KCND2: variants seen among roughly 807,000 people sequenced by gnomAD.
KCND2 encodes the protein potassium voltage-gated channel subfamily D member 2.
In KCND2, 16 loss-of-function variants were observed where a neutral mutation model predicts 54.4. The ratio of observed to expected loss-of-function variants is 0.29; its 90% CI spans 0.20 to 0.45. The LOEUF (loss-of-function observed/expected upper bound fraction) is 0.45. Ranked by LOEUF, KCND2 falls within the 20% of genes least tolerant of loss-of-function variation. The probability of loss-of-function intolerance (pLI) is 1.00; values close to 1 mark genes in which losing one functional copy is unlikely to be tolerated. For missense variants in KCND2, 486 were observed against 824.2 expected (o/e 0.59, Z 5.02); for synonymous variants, 317 against 310.7 (o/e 1.02, Z -0.21).
chr7:120,336,260 C>T (rs757068698), intron 1 of KCND2, among the ~76,000 whole-genome samples: 1 of 152,178 alleles, frequency 6.6e-6, no homozygotes, highest in Non-Finnish European at 1.5e-5. Flanking sequence ...TTAATAATTA[C>T]CCCGCTTTCG....
chr7:120,601,874 T>G (rs1017155253), intron 1 of KCND2, among the ~76,000 whole-genome samples: 1 of 152,208 alleles, frequency 6.6e-6, no homozygotes, highest in Non-Finnish European at 1.5e-5. Context: ...CTAGCTAATT[T>G]ATAGGTTCAC....
chr7:120,319,986 G>C (rs542654732), intron 1 of KCND2, among the ~76,000 whole-genome samples: 25 of 152,076 alleles, frequency 1.6e-4, no homozygotes, highest in African/African-American at 6.0e-4. Flanking sequence ...CTATGAAAAT[G>C]CAAAAGTGCA....
intron 1 of KCND2, among the ~76,000 whole-genome samples, chr7:120,508,891 ATTTTTT>A (rs57245091): frequency 7.2e-6 from 1 of 138,250 alleles, no homozygotes; most frequent in African/African-American, 2.8e-5. Flanking sequence ...GCCTTTCACG[ATTTTTT>A]TTTTTTTTGG....
chr7:120,330,781 G>A (rs910082029), intron 1 of KCND2, among the ~76,000 whole-genome samples: 8 of 151,884 alleles, frequency 5.3e-5, no homozygotes, highest in African/African-American at 1.5e-4. Flanking sequence ...AAGGTGCAGA[G>A]CAATTAATAT....
intron 1 of KCND2, among the ~76,000 whole-genome samples, chr7:120,292,971 T>C (rs1207163241): frequency 1.3e-5 from 2 of 151,938 alleles, no homozygotes; most frequent in South Asian, 2.1e-4. Context: ...ACACCAACTC[T>C]GTATCTCTGA....
At chr7:120,581,965 C>T (rs948251559) in intron 1 of KCND2, among the ~76,000 whole-genome samples, 4 of 152,148 alleles carry the variant, frequency 2.6e-5, no homozygotes, top group Non-Finnish European at 5.9e-5. Context: ...CCACCCGCCT[C>T]AGCCTCCCGA....
intron 1 of KCND2, among the ~76,000 whole-genome samples, chr7:120,363,215 G>T (rs1584747748): frequency 6.6e-6 from 1 of 152,132 alleles, no homozygotes; most frequent in African/African-American, 2.4e-5. Context: ...AGGGTGACTT[G>T]AGCCTGCAAT....
intron 1 of KCND2, among the ~76,000 whole-genome samples, chr7:120,409,044 T>C (rs541081961): frequency 1.3e-5 from 2 of 152,082 alleles, no homozygotes. Flanking sequence ...ATGCTGCTCT[T>C]TCTATGTAAG....
intron 1 of KCND2, among the ~76,000 whole-genome samples, chr7:120,701,718 T>C (rs890112145): frequency 6.6e-6 from 1 of 152,122 alleles, no homozygotes; most frequent in African/African-American, 2.4e-5. Flanking sequence ...CCTTATTTAA[T>C]AAATGGTGTT....
At chr7:120,491,631 A>G (rs1346262689) in intron 1 of KCND2, among the ~76,000 whole-genome samples, 1 of 152,142 alleles carries the variant, frequency 6.6e-6, no homozygotes, top group Non-Finnish European at 1.5e-5. Flanking sequence ...CACAGGGATA[A>G]TGTTAAATCT....
At chr7:120,472,330 A>G (rs554864350) in intron 1 of KCND2, among the ~76,000 whole-genome samples, 2 of 152,162 alleles carry the variant, frequency 1.3e-5, no homozygotes, top group South Asian at 4.1e-4. Context: ...TGCTGGAATA[A>G]TGTGAACCCA....
At chr7:120,643,519 A>T (rs1793402597) in intron 1 of KCND2, among the ~76,000 whole-genome samples, 1 of 152,110 alleles carries the variant, frequency 6.6e-6, no homozygotes, top group Non-Finnish European at 1.5e-5. Context: ...TTGAATGTTT[A>T]TGAGGGATTT....
chr7:120,473,782 T>TAAAATGGAA (rs1424127767), intron 1 of KCND2, among the ~76,000 whole-genome samples: 6 of 152,228 alleles, frequency 3.9e-5, no homozygotes, highest in Admixed American at 6.5e-5. Flanking sequence ...CTTTCATGGA[T>TAAAATGGAA]AAAAATATTC....
intron 1 of KCND2, among the ~76,000 whole-genome samples, chr7:120,604,357 A>G (rs1054308058): frequency 1.4e-5 from 2 of 147,094 alleles, no homozygotes; most frequent in Admixed American, 1.3e-4. Context: ...AAAAAAAAAA[A>G]AGGAAGTAGC....
intron 1 of KCND2, among the ~76,000 whole-genome samples, chr7:120,429,799 T>C (rs1364349526): frequency 1.3e-5 from 2 of 152,164 alleles, no homozygotes; most frequent in African/African-American, 2.4e-5. Flanking sequence ...AATTAGTGTC[T>C]GCCACCATAA....
At chr7:120,732,625 T>C (rs1792821678) in intron 1 of KCND2, among the ~76,000 whole-genome samples, 3 of 152,106 alleles carry the variant, frequency 2.0e-5, no homozygotes, top group Admixed American at 2.0e-4. Flanking sequence ...AAAGGAAAAA[T>C]TGAAGAGCTA....
chr7:120,313,549 T>C (rs1162877090), intron 1 of KCND2, among the ~76,000 whole-genome samples: 1 of 152,146 alleles, frequency 6.6e-6, no homozygotes, highest in African/African-American at 2.4e-5. Context: ...CCCTCTTTCC[T>C]TTCAGTTAGT....
chr7:120,677,228 A>G (rs913341391), intron 1 of KCND2, among the ~76,000 whole-genome samples: 7 of 151,412 alleles, frequency 4.6e-5, no homozygotes, highest in African/African-American at 1.5e-4. Context: ...AGACAGTGCT[A>G]CCAAAAAAAA....
intron 1 of KCND2, among the ~76,000 whole-genome samples, chr7:120,344,545 G>T (rs921846137): frequency 6.6e-6 from 1 of 152,252 alleles, no homozygotes; most frequent in Non-Finnish European, 1.5e-5. Context: ...CCGACTGAAG[G>T]ATAAGATAGG....
Sources: allele counts gnomAD v4.1 joint callset (sites outside exome capture counted in the v4.1 genomes callset), GRCh38; gene constraint gnomAD v4.1.1; transcripts MANE v1.5; gene names NCBI Gene and HGNC (gene_info 2026-07-23, HGNC 2026-07-21).